Variants in TC2N observed in about 807,000 individuals in gnomAD.
TC2N encodes tandem C2 domains nuclear protein.
In TC2N, 51 loss-of-function variants were observed where a neutral mutation model predicts 61.9. The ratio of observed to expected loss-of-function variants is 0.82; its 90% CI spans 0.66 to 1.04. TC2N has a LOEUF of 1.04. TC2N is among the 50% of genes least tolerant of loss of function. The probability of loss-of-function intolerance (pLI) is 0.00; values close to 1 mark genes in which losing one functional copy is unlikely to be tolerated. For missense variants in TC2N, 556 were observed against 566.7 expected (o/e 0.98, Z 0.19); for synonymous variants, 204 against 192.6 (o/e 1.06, Z -0.49).
chr14:91,839,431 A>T (rs933607855), intron 1 of TC2N, among the ~76,000 whole-genome samples: 11 of 152,138 alleles, frequency 7.2e-5, no homozygotes, highest in African/African-American at 2.7e-4. Context: ...CTGTATCTCT[A>T]TCATGGTGCC....
chr14:91,802,298 C>A lies in TC2N; in HGVS notation c.425G>T (p.Arg142Leu). The A allele has an allele frequency of 1.2e-6, 2 of 1,602,668 alleles. No individual in the cohort carries two copies. Among genetic ancestry groups the A allele is most frequent in the Non-Finnish European group, 1.7e-6 (2 of 1,175,942 alleles). Residue 142 changes from arginine to leucine, a missense_variant, in exon 4 of 12, where the codon CGA becomes CTA. Coordinates refer to ENST00000435962, the MANE Select transcript of TC2N (RefSeq NM_001128596.3). ...CACTTCTGAACGGGGAGGAAAGCGT[C>A]GACTCAAATCAGGTGAAATGTGCTG... Reference protein sequence around the residue: ...MYQHISPDLSRRFPPRSEVKR... With the variant: ...MYQHISPDLSLRFPPRSEVKR...
At chr14:91,798,180 G>T (rs2139839685) in intron 7 of TC2N, 119 bp downstream of exon 7, 1 of 584,890 alleles carries the variant, frequency 1.7e-6, no homozygotes, top group East Asian at 3.1e-5. Context: ...AAATATTAAA[G>T]AATTCCAAAT....
intron 1 of TC2N, among the ~76,000 whole-genome samples, chr14:91,827,609 T>C (rs1249173978): frequency 6.6e-6 from 1 of 152,176 alleles, no homozygotes; most frequent in Non-Finnish European, 1.5e-5. Flanking sequence ...TCCAAGATAA[T>C]CTCCCCATCT....
chr14:91,822,909 G>T lies in TC2N; in HGVS notation c.-56-9084C>A, dbSNP rs574756974. On this transcript the variant is annotated intron_variant, in intron 1 of 11. Transcript: ENST00000435962. ...TTTTGTATTTTTTAGTAGAGACGGG[G>T]TTTCACCGTGTTAGCCAGGATGGTC... Among the ~76,000 whole-genome samples, 90 of 151,644 alleles carry T rather than the reference G, an allele frequency of 5.9e-4. 3 individuals are homozygous for T. The South Asian group carries it at 0.018, about 31-fold the overall frequency.
chr14:91,809,880 C>G (rs898432395), intron 3 of TC2N, among the ~76,000 whole-genome samples: 4 of 152,110 alleles, frequency 2.6e-5, no homozygotes, highest in Non-Finnish European at 5.9e-5. Context: ...TAAGTCCAAC[C>G]AGTTTACTTG....
intron 1 of TC2N, among the ~76,000 whole-genome samples, chr14:91,855,844 G>A (rs1010141395): frequency 5.9e-5 from 9 of 152,156 alleles, no homozygotes; most frequent in Admixed American, 1.3e-4. Context: ...GGGAAGTGCC[G>A]AGGTTGGAGT....
chr14:91,841,630 A>G (rs1477347336), intron 1 of TC2N, among the ~76,000 whole-genome samples: 1 of 152,194 alleles, frequency 6.6e-6, no homozygotes, highest in Non-Finnish European at 1.5e-5. Context: ...GGAGACCTCC[A>G]GAAGTGGCAG....
intron 3 of TC2N, among the ~76,000 whole-genome samples, chr14:91,804,076 C>T (rs1329238555): frequency 6.6e-6 from 1 of 152,128 alleles, no homozygotes; most frequent in Non-Finnish European, 1.5e-5. Flanking sequence ...CATTGATAGG[C>T]ACTTCAGAAG....
intron 1 of TC2N, 82 bp from the exon 2 acceptor site, chr14:91,813,907 T>C (rs1016554858): frequency 4.4e-5 from 23 of 522,166 alleles, no homozygotes; most frequent in African/African-American, 3.1e-4. Flanking sequence ...ACATTATCTG[T>C]CTTTCTAAGA....
chr14:91,860,075 G>A (rs541953448), intron 1 of TC2N, among the ~76,000 whole-genome samples: 34 of 152,220 alleles, frequency 2.2e-4, no homozygotes, highest in South Asian at 6.2e-4. Context: ...TAGAAAGATC[G>A]CTTTAGAAAT....
chr14:91,782,254 T>C lies in TC2N; in HGVS notation c.*846A>G, dbSNP rs1332800940. ...GGTAAATTATAGAATAATCTAAATTTTAAAAACTAAAAACGAAGTGATTAT... is the reference window on the plus strand; with the variant it reads ...GGTAAATTATAGAATAATCTAAATTCTAAAAACTAAAAACGAAGTGATTAT... On this transcript the variant is annotated 3_prime_UTR_variant, in exon 12 of 12. Coordinates refer to ENST00000435962, the MANE Select transcript of TC2N (RefSeq NM_001128596.3). 9.2e-5 allele frequency: 14 copies of C among 152,018 alleles called. No homozygotes were observed. The highest frequency in any genetic ancestry group is 2.1e-4 in the South Asian group (1 of 4,826). 9.4% of individuals were successfully genotyped at this position (152,018 alleles called of 1,614,324 possible).
intron 1 of TC2N, among the ~76,000 whole-genome samples, chr14:91,858,679 TTTTG>T (rs1888532019): frequency 6.6e-6 from 1 of 152,158 alleles, no homozygotes; most frequent in African/African-American, 2.4e-5. Flanking sequence ...TATGAGTCAT[TTTTG>T]TTTATCTTAG....
chr14:91,798,224 G>A, intron 7 of TC2N, 75 bp downstream of exon 7: 1 of 758,688 alleles, frequency 1.3e-6, no homozygotes, highest in Non-Finnish European at 2.1e-6. Flanking sequence ...CCCCAGAAAA[G>A]GGCAATAGTC....
intron 8 of TC2N, among the ~76,000 whole-genome samples, chr14:91,797,251 A>G (rs1037016780): frequency 4.6e-5 from 7 of 151,764 alleles, no homozygotes; most frequent in Admixed American, 3.3e-4. Flanking sequence ...CATTTGAATG[A>G]TATTATTTTA....
intron 1 of TC2N, among the ~76,000 whole-genome samples, chr14:91,859,813 G>A (rs1888555570): frequency 6.6e-6 from 1 of 152,198 alleles, no homozygotes; most frequent in South Asian, 2.1e-4. Flanking sequence ...CTGCATTCCA[G>A]CCAATGAGAA....
chr14:91,844,726 A>G (rs1888233639), intron 1 of TC2N, among the ~76,000 whole-genome samples: 1 of 136,858 alleles, frequency 7.3e-6, no homozygotes, highest in Non-Finnish European at 1.5e-5. Context: ...GCACCACTGC[A>G]CTCCAGCCTG....
At chr14:91,790,405 T>C (rs1419318016) in intron 9 of TC2N, among the ~76,000 whole-genome samples, 2 of 152,178 alleles carry the variant, frequency 1.3e-5, no homozygotes. Context: ...AAACAAAGCA[T>C]ACTATTATTG....
intron 1 of TC2N, among the ~76,000 whole-genome samples, chr14:91,832,497 G>A (rs1479191463): frequency 2.6e-5 from 4 of 151,958 alleles, no homozygotes; most frequent in African/African-American, 9.7e-5. Flanking sequence ...AACATCATCA[G>A]TAATTAAGGA....
At chr14:91,866,985 T>C (rs1888715745) in intron 1 of TC2N, among the ~76,000 whole-genome samples, 1 of 152,178 alleles carries the variant, frequency 6.6e-6, no homozygotes. Context: ...TTAAGGTAAA[T>C]GGATCCCACA....
Sources: allele counts gnomAD v4.1 joint callset (sites outside exome capture counted in the v4.1 genomes callset), GRCh38; gene constraint gnomAD v4.1.1; transcripts MANE v1.5; gene names NCBI Gene and HGNC (gene_info 2026-07-23, HGNC 2026-07-21).